The following ERC1 variants were observed in gnomAD, a reference collection of about 807,000 sequenced individuals.
ERC1 encodes RAB6 interacting protein 2.
ERC1 carries 56 observed loss-of-function variants against 132.0 expected under a neutral mutation model. That is an observed-to-expected ratio of 0.42 (90% CI 0.34 to 0.53). The LOEUF (loss-of-function observed/expected upper bound fraction) is 0.53. Ranked by LOEUF, ERC1 falls within the 20% of genes least tolerant of loss-of-function variation. The pLI, the probability that ERC1 is intolerant of heterozygous loss-of-function variation, is 0.03. For synonymous variants in ERC1, 478 were observed against 476.1 expected (o/e 1.00, Z -0.05); for missense variants, 1,202 against 1,349.9 (o/e 0.89, Z 1.72).
intron 1 of ERC1, among the ~76,000 whole-genome samples, chr12:1,022,425 C>CAAACAAGA (rs1163296247): frequency 6.6e-6 from 1 of 152,046 alleles, no homozygotes; most frequent in Non-Finnish European, 1.5e-5. Flanking sequence ...TCATTTAAAA[C>CAAACAAGA]AAACAAGAAA....
At chr12:1,437,392 T>C (rs969317302) in intron 17 of ERC1, among the ~76,000 whole-genome samples, 1 of 152,250 alleles carries the variant, frequency 6.6e-6, no homozygotes, top group Non-Finnish European at 1.5e-5. Flanking sequence ...CTGGTTTTAA[T>C]GTATCTTACA....
intron 17 of ERC1, among the ~76,000 whole-genome samples, chr12:1,426,686 A>G (rs985543980): frequency 2.0e-5 from 3 of 152,204 alleles, no homozygotes; most frequent in Admixed American, 1.3e-4. Context: ...ATAGTAATGC[A>G]TACTATTGCA....
In ERC1 at chr12:1,186,449, G is replaced by A. The variant is rs114875077; in HGVS notation, c.2157+3028G>A. Among the ~76,000 whole-genome samples the A allele has an allele frequency of 6.2e-3, 947 of 152,310 alleles. 12 individuals carry two copies. Among genetic ancestry groups the A allele is most frequent in the African/African-American group, 0.022 (895 of 41,572 alleles). On this transcript the variant is annotated intron_variant, in intron 11 of 18. Coordinates refer to ENST00000360905, the MANE Select transcript of ERC1 (RefSeq NM_178040.4). ...GGTAGGTGTTTTTCAGTAGAACAAG[G>A]CCTGTGGATGGAGAGCTTAACCTTT...
At chr12:1,467,335 G>T (rs1429628619) in intron 18 of ERC1, among the ~76,000 whole-genome samples, 8 of 152,210 alleles carry the variant, frequency 5.3e-5, no homozygotes, top group African/African-American at 2.4e-5. Context: ...GAAGGGCAGT[G>T]TGTTGTCAGT....
chr12:1,091,325 C>T (rs537486119), intron 3 of ERC1, among the ~76,000 whole-genome samples: 1 of 152,280 alleles, frequency 6.6e-6, no homozygotes, highest in African/African-American at 2.4e-5. Flanking sequence ...GATTTTATAA[C>T]AGGGTAAGTG....
chr12:1,084,072 T>TA (rs1461283070), intron 3 of ERC1, among the ~76,000 whole-genome samples: 2 of 152,234 alleles, frequency 1.3e-5, no homozygotes, highest in Non-Finnish European at 2.9e-5. Flanking sequence ...CTGTAAAAGA[T>TA]ACGTGATAAA....
chr12:1,397,508 T>C (rs892144389), intron 16 of ERC1, among the ~76,000 whole-genome samples: 2 of 152,186 alleles, frequency 1.3e-5, no homozygotes, highest in Admixed American at 6.6e-5. Flanking sequence ...TCTATTGATA[T>C]GGAGCGATTC....
intron 14 of ERC1, among the ~76,000 whole-genome samples, chr12:1,272,808 C>T (rs530950137): frequency 2.8e-4 from 42 of 151,994 alleles, no homozygotes; most frequent in Middle Eastern, 6.8e-3. Context: ...ATTAGCTGGG[C>T]GCAGTGCTAG....
intron 2 of ERC1, among the ~76,000 whole-genome samples, chr12:1,037,464 C>T (rs1288218186): frequency 6.6e-6 from 1 of 152,082 alleles, no homozygotes; most frequent in Non-Finnish European, 1.5e-5. Flanking sequence ...TAAAACCGTA[C>T]CACCCTCTGG....
chr12:1,312,675 C>T (rs961308486), intron 15 of ERC1, among the ~76,000 whole-genome samples: 6 of 152,072 alleles, frequency 3.9e-5, no homozygotes, highest in Non-Finnish European at 7.4e-5. Flanking sequence ...GTTTTTTTTA[C>T]ATATAGACAT....
rs545404713 is a variant in ERC1 at position 1,140,176 on chromosome 12, A to G, written c.1570-1444A>G. Among the ~76,000 whole-genome samples the G allele has an allele frequency of 2.6e-5, 4 of 152,236 alleles. No individual in the cohort carries two copies. In the South Asian group the frequency reaches 6.2e-4, roughly 24 times the overall value. On this transcript the variant is annotated intron_variant, in intron 7 of 18. Transcript: ENST00000360905. ...TGTTTTTCCTTTCCAGTATGGTCCA[A>G]CATAATTTGTAAGTACTTACAGTAG...
At chr12:1,069,295 T>C (rs1159878797) in intron 2 of ERC1, among the ~76,000 whole-genome samples, 1 of 152,194 alleles carries the variant, frequency 6.6e-6, no homozygotes, top group African/African-American at 2.4e-5. Flanking sequence ...CCTTTTATCA[T>C]CTGCATGGTG....
intron 3 of ERC1, among the ~76,000 whole-genome samples, chr12:1,085,707 GAAA>G (rs1942887260): frequency 1.2e-4 from 1 of 8,288 alleles, no homozygotes; most frequent in African/African-American, 1.7e-4. Flanking sequence ...TGTTGTTGTT[GAAA>G]GTGCTGAGAT....
intron 12 of ERC1, among the ~76,000 whole-genome samples, chr12:1,207,236 C>A (rs527936955): frequency 6.6e-6 from 1 of 152,036 alleles, no homozygotes; most frequent in South Asian, 2.1e-4. Flanking sequence ...GTTGCTAAAA[C>A]CTCATCATAA....
chr12:1,329,470 C>T (rs1207760816), intron 15 of ERC1, among the ~76,000 whole-genome samples: 1 of 152,006 alleles, frequency 6.6e-6, no homozygotes, highest in Non-Finnish European at 1.5e-5. Flanking sequence ...GCAATAACTA[C>T]AACAATAATA....
chr12:1,101,688 C>G (rs1294397040), intron 3 of ERC1, among the ~76,000 whole-genome samples: 1 of 152,170 alleles, frequency 6.6e-6, no homozygotes, highest in Non-Finnish European at 1.5e-5. Context: ...CCCACACATG[C>G]TAAGGAATTC....
chr12:1,316,376 G>A (rs1402714759), intron 15 of ERC1, among the ~76,000 whole-genome samples: 1 of 152,020 alleles, frequency 6.6e-6, no homozygotes. Context: ...CTAGATTACT[G>A]TCACATATAC....
At chr12:1,155,022 C>T (rs1350819669) in intron 8 of ERC1, among the ~76,000 whole-genome samples, 6 of 152,070 alleles carry the variant, frequency 3.9e-5, no homozygotes, top group African/African-American at 7.2e-5. Flanking sequence ...ACTAAAAGTA[C>T]ATTTATCATT....
intron 17 of ERC1, among the ~76,000 whole-genome samples, chr12:1,441,442 T>G (rs756776156): frequency 1.3e-5 from 2 of 152,210 alleles, no homozygotes; most frequent in Non-Finnish European, 1.5e-5. Context: ...GCTAATAATA[T>G]CTTTTTAAAT....
Sources: allele counts gnomAD v4.1 joint callset (sites outside exome capture counted in the v4.1 genomes callset), GRCh38; gene constraint gnomAD v4.1.1; transcripts MANE v1.5; gene names NCBI Gene and HGNC (gene_info 2026-07-23, HGNC 2026-07-21).